The following KCNMA1 variants were observed in gnomAD, a reference collection of about 807,000 sequenced individuals.
KCNMA1 encodes potassium calcium-activated channel subfamily M alpha 1.
Under a neutral mutation model 140.0 loss-of-function variants are expected in KCNMA1, and 29 were observed. The ratio of observed to expected loss-of-function variants is 0.21; its 90% confidence interval spans 0.15 to 0.28. KCNMA1 has a LOEUF of 0.28. Among genes scored for constraint, KCNMA1 ranks in the 10% least tolerant of loss-of-function variants. The pLI is 1.00. For missense variants in KCNMA1, 880 were observed against 1,602.2 expected (o/e 0.55, Z 7.70); for synonymous variants, 612 against 611.9 (o/e 1.00, Z 0.00).
intron 14 of KCNMA1, among the ~76,000 whole-genome samples, chr10:77,047,236 A>G (rs1196546393): frequency 6.6e-6 from 1 of 152,206 alleles, no homozygotes; most frequent in African/African-American, 2.4e-5. Context: ...ACAAATAAAT[A>G]AACAACTCCA....
chr10:77,004,979 C>T (rs898627429), intron 18 of KCNMA1, among the ~76,000 whole-genome samples: 1 of 152,190 alleles, frequency 6.6e-6, no homozygotes, highest in Non-Finnish European at 1.5e-5. Flanking sequence ...CTTATCTACT[C>T]CCTGGCCACA....
At chr10:77,272,285 T>C (rs1284132342) in intron 2 of KCNMA1, among the ~76,000 whole-genome samples, 1 of 152,190 alleles carries the variant, frequency 6.6e-6, no homozygotes, top group Admixed American at 6.5e-5. Flanking sequence ...ATGCTTTATA[T>C]ACAATTGTTG....
At chr10:77,228,469 G>T (rs768458747) in intron 3 of KCNMA1, among the ~76,000 whole-genome samples, 1 of 152,148 alleles carries the variant, frequency 6.6e-6, no homozygotes, top group Admixed American at 6.5e-5. Context: ...AGGAGGTAAA[G>T]CTCCCATAAG....
rs79013448 is a variant in KCNMA1, at chr10:77,272,129, C to T, written c.541-20873G>A. On this transcript the variant is annotated intron_variant, in intron 2 of 27. Coordinates refer to ENST00000286628, the MANE Select transcript of KCNMA1 (RefSeq NM_001161352.2). Reference sequence around the variant, plus strand: ...ATTTCCTTCATTGGCTTATCATTCCCTGAAATCACATTGTTGACTTACTTC... The same window carrying T: ...ATTTCCTTCATTGGCTTATCATTCCTTGAAATCACATTGTTGACTTACTTC... Among the ~76,000 whole-genome samples the T allele has an allele frequency of 2.8e-3, 428 of 152,286 alleles. 1 individual carries two copies. The highest frequency in any genetic ancestry group is 9.6e-3 in the African/African-American group (400 of 41,554).
intron 2 of KCNMA1, among the ~76,000 whole-genome samples, chr10:77,326,474 C>G (rs1602621888): frequency 6.6e-6 from 1 of 151,940 alleles, no homozygotes; most frequent in East Asian, 1.9e-4. Context: ...ATCTGGCACA[C>G]AGTAAGTGCT....
At chr10:77,570,783 T>C (rs933352110) in intron 1 of KCNMA1, among the ~76,000 whole-genome samples, 139 of 151,226 alleles carry the variant, frequency 9.2e-4, no homozygotes, top group Non-Finnish European at 6.5e-4. Context: ...AAAAAAAAAT[T>C]AGCCAGGTGT....
intron 2 of KCNMA1, among the ~76,000 whole-genome samples, chr10:77,382,984 GTGTGTGTGTGTATATATATATATATATA>G (rs1300750157): frequency 1.0e-4 from 9 of 89,588 alleles, no homozygotes; most frequent in African/African-American, 6.7e-4. Flanking sequence ...GTGTGTGTGT[GTGTGTGTGTGTATATATATATATATATA>G]TATATATATA....
intron 3 of KCNMA1, chr10:77,250,900 A>T (rs142797679): frequency 8.1e-4 from 305 of 377,022 alleles, no homozygotes; most frequent in Admixed American, 1.5e-3. Context: ...ACTACTTGAC[A>T]TCTTCAGTGC....
chr10:76,937,470 G>A (rs2060861059), intron 23 of KCNMA1, among the ~76,000 whole-genome samples: 1 of 152,190 alleles, frequency 6.6e-6, no homozygotes, highest in African/African-American at 2.4e-5. Flanking sequence ...TTATCACCAA[G>A]GTTTATCTAG....
chr10:77,461,400 C>A (rs193116401), intron 1 of KCNMA1, among the ~76,000 whole-genome samples: 75 of 152,194 alleles, frequency 4.9e-4, no homozygotes, highest in Non-Finnish European at 9.8e-4. Flanking sequence ...ATGAGATGAT[C>A]CAATGTCTTC....
chr10:77,366,293 G>A (rs1166102893), intron 2 of KCNMA1, among the ~76,000 whole-genome samples: 1 of 151,890 alleles, frequency 6.6e-6, no homozygotes, highest in Non-Finnish European at 1.5e-5. Flanking sequence ...CTCAGCCCCT[G>A]GAGTAGTTGA....
intron 2 of KCNMA1, among the ~76,000 whole-genome samples, chr10:77,383,030 T>TATATATATATA (rs1566451029): frequency 1.6e-4 from 16 of 102,988 alleles, no homozygotes; most frequent in African/African-American, 6.4e-4. Flanking sequence ...ATATATATAT[T>TATATATATATA]CCAAGTGGAG....
Position 76,891,758 on chromosome 10 carries a change from CA to C in KCNMA1, c.3148-40del, listed in dbSNP as rs2040154063. ...GAAAGTGAGGGAAAAGTCCTTTAAG[CA>C]AACACCCTAAAGTCATGACAGCCGA... On this transcript the variant is annotated intron_variant, in intron 25 of 27. Transcript: ENST00000286628. 5.2e-6 allele frequency: 8 copies of C among 1,542,776 alleles called. 1 individual carries two copies.
At chr10:77,032,973 G>C (rs1009648341) in intron 15 of KCNMA1, among the ~76,000 whole-genome samples, 1 of 152,086 alleles carries the variant, frequency 6.6e-6, no homozygotes, top group Non-Finnish European at 1.5e-5. Flanking sequence ...GAGGAGGTTT[G>C]GGGCTGTTGA....
At chr10:77,065,274 G>A (rs1274668228) in intron 14 of KCNMA1, among the ~76,000 whole-genome samples, 1 of 152,188 alleles carries the variant, frequency 6.6e-6, no homozygotes, top group Non-Finnish European at 1.5e-5. Flanking sequence ...AAAGCCAAGA[G>A]AGTAAATAAG....
At chr10:77,086,827 G>T (rs1232644138) in intron 10 of KCNMA1, among the ~76,000 whole-genome samples, 1 of 152,102 alleles carries the variant, frequency 6.6e-6, no homozygotes, top group African/African-American at 2.4e-5. Context: ...GCTTTAGGAA[G>T]GCCAAGACCT....
At chr10:77,440,657 G>A (rs10824544) in intron 1 of KCNMA1, among the ~76,000 whole-genome samples, 26,337 of 152,110 alleles carry the variant, frequency 0.17, 2,768 homozygotes, top group African/African-American at 0.29. Context: ...TTGCTCTAAC[G>A]GTCCAGAAAA....
At chr10:77,046,503 G>T (rs2095063437) in intron 14 of KCNMA1, among the ~76,000 whole-genome samples, 1 of 152,138 alleles carries the variant, frequency 6.6e-6, no homozygotes, top group Non-Finnish European at 1.5e-5. Context: ...TGGATGGGGG[G>T]TCATTTGTAT....
chr10:77,548,721 G>A (rs2154556480), intron 1 of KCNMA1, among the ~76,000 whole-genome samples: 1 of 152,268 alleles, frequency 6.6e-6, no homozygotes, highest in South Asian at 2.1e-4. Context: ...AACCTTAGAA[G>A]AGTCATATCA....
Sources: gnomAD v4.1 joint callset for allele counts (sites outside exome capture counted in the v4.1 genomes callset) on GRCh38, gnomAD v4.1.1 for gene constraint, MANE v1.5 for transcripts, NCBI Gene and HGNC (gene_info 2026-07-23, HGNC 2026-07-21) for gene names.